The following LINGO2 variants were observed in gnomAD, a reference collection of about 807,000 sequenced individuals.
The protein encoded by LINGO2 is leucine-rich repeat and immunoglobulin-like domain-containing nogo receptor-interacting protein 2.
LINGO2 carries 14 observed loss-of-function variants against 30.6 expected under a neutral mutation model. The observed-to-expected ratio is 0.46, with a 90% CI of 0.30 to 0.72. The LOEUF (loss-of-function observed/expected upper bound fraction) is 0.72. LINGO2 is among the 30% of genes least tolerant of loss of function. The pLI, the probability that LINGO2 is intolerant of heterozygous loss-of-function variation, is 0.07. For synonymous variants in LINGO2, 317 were observed against 288.5 expected, an observed-to-expected ratio of 1.10 and a Z score of -1.00; for missense variants, 729 against 751.7, an observed-to-expected ratio of 0.97 and a Z score of 0.35.
At chr9:28,944,957 C>G in the LINGO2 span, among the ~76,000 whole-genome samples, 1 of 152,132 alleles carries the variant, frequency 6.6e-6, no homozygotes, top group East Asian at 1.9e-4. Context: ...TTTTCAAAGT[C>G]TAACTCATCA....
chr9:27,988,781 CTG>C (rs1423867649), intron 5 of LINGO2, among the ~76,000 whole-genome samples: 3 of 151,948 alleles, frequency 2.0e-5, no homozygotes, highest in South Asian at 2.1e-4. Context: ...CTTCCTATCT[CTG>C]TAACTGGCAC....
At chr9:28,928,393 C>T in the LINGO2 span, among the ~76,000 whole-genome samples, 1 of 152,038 alleles carries the variant, frequency 6.6e-6, no homozygotes, top group Non-Finnish European at 1.5e-5. Context: ...GAAGGATATA[C>T]CTATCCTAAC....
At chr9:28,858,369 A>ATT in the LINGO2 span, among the ~76,000 whole-genome samples, 1 of 152,138 alleles carries the variant, frequency 6.6e-6, no homozygotes, top group South Asian at 2.1e-4. Context: ...ACCCTGGAAG[A>ATT]TTTTATATGT....
intron 2 of LINGO2, among the ~76,000 whole-genome samples, chr9:28,458,191 T>A (rs1420704835): frequency 6.6e-6 from 1 of 152,186 alleles, no homozygotes; most frequent in Non-Finnish European, 1.5e-5. Context: ...CTCAGGAGCA[T>A]GCAAACAATT....
intron 4 of LINGO2, among the ~76,000 whole-genome samples, chr9:28,044,065 T>TA (rs1491226456): frequency 6.6e-6 from 1 of 152,210 alleles, no homozygotes; most frequent in Non-Finnish European, 1.5e-5. Flanking sequence ...GATCTGTCTT[T>TA]AAAACTTCAG....
the LINGO2 span, among the ~76,000 whole-genome samples, chr9:28,992,291 G>A: frequency 1.3e-5 from 2 of 152,118 alleles, no homozygotes; most frequent in African/African-American, 4.8e-5. Context: ...AATGGTAAAG[G>A]GATCAATACA....
the LINGO2 span, among the ~76,000 whole-genome samples, chr9:29,171,491 G>C: frequency 6.6e-6 from 1 of 151,816 alleles, no homozygotes; most frequent in Non-Finnish European, 1.5e-5. Flanking sequence ...AGTTGCTTTT[G>C]AAAATATACT....
the LINGO2 span, among the ~76,000 whole-genome samples, chr9:28,934,159 AATTTGTTTT>A: frequency 6.6e-6 from 1 of 152,122 alleles, no homozygotes; most frequent in Non-Finnish European, 1.5e-5. Context: ...TGAGTATTGA[AATTTGTTTT>A]ATTTCTTGTT....
chr9:28,643,564 A>T, intron 1 of LINGO2, among the ~76,000 whole-genome samples: 1 of 152,250 alleles, frequency 6.6e-6, no homozygotes, highest in East Asian at 1.9e-4. Flanking sequence ...TAAATATTAG[A>T]CCTCAAACCA....
chr9:28,969,199 G>A, the LINGO2 span, among the ~76,000 whole-genome samples: 1 of 152,146 alleles, frequency 6.6e-6, no homozygotes, highest in East Asian at 1.9e-4. Flanking sequence ...AATAAAAAGA[G>A]CAGATTAAGG....
the LINGO2 span, among the ~76,000 whole-genome samples, chr9:29,120,565 A>G: frequency 6.6e-6 from 1 of 152,192 alleles, no homozygotes; most frequent in Admixed American, 6.5e-5. Flanking sequence ...CCTTAAGGTC[A>G]TAAGTTCCTC....
chr9:28,499,350 T>C (rs978351809), intron 1 of LINGO2, among the ~76,000 whole-genome samples: 15 of 152,284 alleles, frequency 9.9e-5, no homozygotes, highest in Non-Finnish European at 1.6e-4. Context: ...TCAATATGTA[T>C]ATAAGAATAG....
At chr9:28,569,836 TAAGCTTGATTGTGGTAATC>T (rs1823584475) in intron 1 of LINGO2, among the ~76,000 whole-genome samples, 1 of 151,956 alleles carries the variant, frequency 6.6e-6, no homozygotes, top group African/African-American at 2.4e-5. Context: ...GCTAAGTCAA[TAAGCTTGATTGTGGTAATC>T]ATTTCACAAT....
the LINGO2 span, among the ~76,000 whole-genome samples, chr9:29,151,926 C>A: frequency 8.4e-3 from 1,273 of 152,070 alleles, 21 homozygotes; most frequent in African/African-American, 0.029. Flanking sequence ...CAAGATTAAA[C>A]GAGGAAGAAA....
intron 1 of LINGO2, among the ~76,000 whole-genome samples, chr9:28,643,938 T>C (rs1827718866): frequency 6.6e-6 from 1 of 151,886 alleles, no homozygotes; most frequent in African/African-American, 2.4e-5. Context: ...CGAAATGGTG[T>C]TCGACATTGA....
chr9:28,483,674 T>G (rs1434207051), intron 1 of LINGO2, among the ~76,000 whole-genome samples: 1 of 152,024 alleles, frequency 6.6e-6, no homozygotes, highest in Non-Finnish European at 1.5e-5. Context: ...ATATTTGTAT[T>G]ATATATGTTG....
At chr9:28,965,771 T>C in the LINGO2 span, among the ~76,000 whole-genome samples, 1 of 152,100 alleles carries the variant, frequency 6.6e-6, no homozygotes, top group Non-Finnish European at 1.5e-5. Flanking sequence ...GTAGTAATGA[T>C]TGATCTCCAC....
intron 3 of LINGO2, among the ~76,000 whole-genome samples, chr9:28,367,022 T>C (rs748250205): frequency 1.3e-5 from 2 of 150,758 alleles, no homozygotes; most frequent in African/African-American, 2.5e-5. Context: ...ACATGGAATA[T>C]ACAGATTTAG....
intron 4 of LINGO2, among the ~76,000 whole-genome samples, chr9:28,070,355 A>C (rs2133170167): frequency 6.6e-6 from 1 of 152,206 alleles, no homozygotes; most frequent in East Asian, 1.9e-4. Flanking sequence ...TTGACTATCA[A>C]GTTTATCTGA....
Sources: allele counts gnomAD v4.1 joint callset (sites outside exome capture counted in the v4.1 genomes callset), GRCh38; gene constraint gnomAD v4.1.1; transcripts MANE v1.5; gene names NCBI Gene and HGNC (gene_info 2026-07-23, HGNC 2026-07-21).